Variants in DNM3 observed in about 807,000 individuals in gnomAD.
DNM3 encodes the protein dynamin 3.
In DNM3, 47 loss-of-function variants were observed where a neutral mutation model predicts 101.6. That is an observed-to-expected ratio of 0.46 (90% CI 0.37 to 0.59). The LOEUF (loss-of-function observed/expected upper bound fraction) is 0.59. Among genes scored for constraint, DNM3 ranks in the 20% least tolerant of loss-of-function variants. The pLI is 0.00. For synonymous variants in DNM3, 385 were observed against 387.9 expected (o/e 0.99, Z 0.09); for missense variants, 849 against 1,085.7 (o/e 0.78, Z 3.06).
chr1:171,867,512 A>T (rs1051149377), intron 1 of DNM3, among the ~76,000 whole-genome samples: 1 of 152,220 alleles, frequency 6.6e-6, no homozygotes, highest in Non-Finnish European at 1.5e-5. Flanking sequence ...GAGATGCAGG[A>T]CACATTGTTT....
intron 6 of DNM3, 72 bp from the exon 7 acceptor site, chr1:172,038,247 C>T: frequency 6.4e-7 from 1 of 1,560,088 alleles, no homozygotes; most frequent in Non-Finnish European, 8.7e-7. Flanking sequence ...GGATCTTTGT[C>T]TCATGAGTTA....
chr1:172,336,742 TAACTGC>T (rs2066449321), intron 17 of DNM3, among the ~76,000 whole-genome samples: 1 of 151,516 alleles, frequency 6.6e-6, no homozygotes, highest in Admixed American at 6.6e-5. Flanking sequence ...TAGTCTTCTT[TAACTGC>T]AACTGCACAC....
chr1:171,900,571 C>T (rs1558235727), intron 1 of DNM3, among the ~76,000 whole-genome samples: 1 of 151,962 alleles, frequency 6.6e-6, no homozygotes, highest in African/African-American at 2.4e-5. Flanking sequence ...TTGGTGAGGG[C>T]GGCTTCCAGG....
chr1:172,048,759 G>A lies in DNM3; in HGVS notation c.1335+9G>A, dbSNP rs780440952. The A allele has an allele frequency of 4.3e-6, 7 of 1,609,446 alleles. No individual in the cohort carries two copies. The highest frequency in any genetic ancestry group is 5.9e-6 in the Non-Finnish European group (7 of 1,178,026). Reference sequence around the variant, plus strand: ...AGAAGTGTACCAAAAAAGTAAGTTCGAATTATTTAACTTTCCAGTACGTGG... The same window carrying A: ...AGAAGTGTACCAAAAAAGTAAGTTCAAATTATTTAACTTTCCAGTACGTGG... On this transcript the variant is annotated intron_variant, in intron 10 of 20. Transcript: ENST00000627582.
chr1:172,154,779 C>A (rs1293477398), intron 14 of DNM3, among the ~76,000 whole-genome samples: 1 of 151,954 alleles, frequency 6.6e-6, no homozygotes, highest in African/African-American at 2.4e-5. Flanking sequence ...TGTAGTAATA[C>A]AACTATGACA....
chr1:172,132,649 A>G (rs533654432), intron 14 of DNM3, among the ~76,000 whole-genome samples: 1 of 152,254 alleles, frequency 6.6e-6, no homozygotes, highest in South Asian at 2.1e-4. Flanking sequence ...TTAGATGATA[A>G]TTTATGTGCA....
rs1424212723 is a variant in DNM3, at chr1:172,032,472, A to C, written c.660A>C (p.Leu220=). 6.2e-7 allele frequency: 1 copy of C among 1,603,826 alleles called. No individual in the cohort carries two copies. Residue 220 remains leucine, a synonymous_variant, in exon 5 of 21, where the codon CTA becomes CTC. Coordinates refer to ENST00000627582, the MANE Select transcript of DNM3 (RefSeq NM_015569.5). ...MDEGTDARDV[L]ENKLLPLRRG... Reference sequence around the variant, plus strand: ...AAGGAACGGATGCCAGGGATGTTCTAGAGAACAAACTGTTGCCTCTTCGCA... The same window carrying C: ...AAGGAACGGATGCCAGGGATGTTCTCGAGAACAAACTGTTGCCTCTTCGCA...
chr1:172,163,187 G>T (rs763796903), intron 14 of DNM3, among the ~76,000 whole-genome samples: 19 of 151,408 alleles, frequency 1.3e-4, no homozygotes, highest in Non-Finnish European at 2.4e-4. Flanking sequence ...GAACACTTGA[G>T]ATTGAGATCT....
chr1:172,286,068 T>TTATA (rs143628364), intron 15 of DNM3, among the ~76,000 whole-genome samples: 5,262 of 147,390 alleles, frequency 0.036, 139 homozygotes, highest in African/African-American at 0.07. Context: ...AGTGAGTTAT[T>TTATA]TATATATATA....
chr1:172,316,318 G>T (rs995889914), intron 16 of DNM3, among the ~76,000 whole-genome samples: 3 of 151,556 alleles, frequency 2.0e-5, no homozygotes, highest in African/African-American at 7.3e-5. Context: ...GACTAGGAAG[G>T]AACTGCATGA....
chr1:171,952,171 C>A (rs954843496), intron 2 of DNM3, among the ~76,000 whole-genome samples: 17 of 152,100 alleles, frequency 1.1e-4, no homozygotes, highest in Non-Finnish European at 2.4e-4. Context: ...TTTTTGGGGA[C>A]CTTAAAATGT....
chr1:172,192,149 ATTATT>A (rs1558702096), intron 14 of DNM3, among the ~76,000 whole-genome samples: 1 of 152,030 alleles, frequency 6.6e-6, no homozygotes, highest in African/African-American at 2.4e-5. Context: ...AATAGCTCTT[ATTATT>A]TTGAGATACA....
At chr1:172,131,002 T>C (rs1366299000) in intron 13 of DNM3, among the ~76,000 whole-genome samples, 173 bp from the exon 14 acceptor site, 1 of 152,232 alleles carries the variant, frequency 6.6e-6, no homozygotes, top group Non-Finnish European at 1.5e-5. Flanking sequence ...TTCACTCATC[T>C]GCACTTTTGG....
chr1:172,387,321 C>G lies in DNM3; in HGVS notation c.2247C>G (p.Pro749=), dbSNP rs765558544. Residue 749 remains proline (P), a synonymous_variant, in exon 19 of 21, where the codon CCC becomes CCG. Transcript: ENST00000627582. ...ISTATVSTPA[P]PPVDDSWIQH... ...CAGCCACCGTGTCCACTCCGGCACC[C>G]CCTCCAGTGGATGACTCCTGGATAC... The G allele has an allele frequency of 6.2e-7, 1 of 1,613,794 alleles. No homozygotes were observed. Among genetic ancestry groups the G allele is most frequent in the East Asian group, 2.2e-5 (1 of 44,846 alleles).
chr1:172,151,434 T>C (rs2058123414), intron 14 of DNM3, among the ~76,000 whole-genome samples: 1 of 152,210 alleles, frequency 6.6e-6, no homozygotes, highest in Non-Finnish European at 1.5e-5. Flanking sequence ...TTTTGTGTAC[T>C]ATTGGTTCAT....
intron 2 of DNM3, among the ~76,000 whole-genome samples, chr1:171,960,121 A>G (rs886817931): frequency 6.6e-6 from 1 of 152,184 alleles, no homozygotes; most frequent in African/African-American, 2.4e-5. Context: ...TGCTGAACTT[A>G]TAAAATGAGA....
chr1:172,189,482 T>C (rs1309872917), intron 14 of DNM3, among the ~76,000 whole-genome samples: 1 of 152,124 alleles, frequency 6.6e-6, no homozygotes, highest in African/African-American at 2.4e-5. Context: ...TCCCTATTCA[T>C]GAACATGGAA....
chr1:172,083,066 ATT>A (rs762833329), intron 12 of DNM3, among the ~76,000 whole-genome samples: 1 of 152,180 alleles, frequency 6.6e-6, no homozygotes, highest in Non-Finnish European at 1.5e-5. Flanking sequence ...CTTGATAGGT[ATT>A]TGCTGCACAG....
chr1:171,981,263 G>A (rs1165076190), intron 2 of DNM3, among the ~76,000 whole-genome samples: 2 of 152,154 alleles, frequency 1.3e-5, no homozygotes, highest in Non-Finnish European at 2.9e-5. Flanking sequence ...CTGGAGCCCT[G>A]TGCTCACAAA....
Sources: allele counts gnomAD v4.1 joint callset (sites outside exome capture counted in the v4.1 genomes callset), GRCh38; gene constraint gnomAD v4.1.1; transcripts MANE v1.5; gene names NCBI Gene and HGNC (gene_info 2026-07-23, HGNC 2026-07-21).